The following CSMD1 variants were observed in gnomAD, a reference collection of about 807,000 sequenced individuals.
The protein encoded by CSMD1 is CUB and Sushi multiple domains 1, also known as CUB and sushi domain-containing protein 1.
In CSMD1, 213 loss-of-function variants were observed where a neutral mutation model predicts 417.5. The ratio of observed to expected loss-of-function variants is 0.51; its 90% CI spans 0.46 to 0.57. The LOEUF is 0.57. CSMD1 is among the 20% of genes least tolerant of loss of function. The pLI is 0.00. For missense variants in CSMD1, 6,923 were observed against 4,529.7 expected (o/e 1.53, Z -15.17); for synonymous variants, 2,862 against 1,736.8 (o/e 1.65, Z -16.11).
rs1585213404 is a variant in CSMD1, at chr8:4,532,880, G to T, written c.302+104462C>A. Among the ~76,000 whole-genome samples, 3 of 151,298 alleles carry T rather than the reference G, an allele frequency of 2.0e-5. No individual in the cohort carries two copies. In the South Asian group the frequency reaches 6.3e-4, roughly 32 times the overall value. On this transcript the variant is annotated intron_variant, in intron 2 of 69. Transcript: ENST00000635120. ...ACCCCCATTCAGTCACTCCGGAAGA[G>T]AAATCCTGCACCCCCATTCAGAGTC...
chr8:4,535,487 G>C (rs921348678), intron 2 of CSMD1, among the ~76,000 whole-genome samples: 4 of 152,030 alleles, frequency 2.6e-5, no homozygotes, highest in Non-Finnish European at 5.9e-5. Context: ...AAGTATATGT[G>C]TTTCAATCCA....
rs776392388 is a variant in CSMD1, at chr8:3,972,539, G to C, written c.818+25364C>G. 2.6e-5 allele frequency among the ~76,000 whole-genome samples: 4 copies of C among 152,236 alleles called. No individual in the cohort carries two copies. The Middle Eastern group carries it at 0.01, about 388-fold the overall frequency. ...GGAATATGGTTCTCTGAATAAGCAC[G>C]TGTGACCACATATTGCTCACAGGGC... On this transcript the variant is annotated intron_variant, in intron 5 of 69. Coordinates refer to ENST00000635120, the MANE Select transcript of CSMD1 (RefSeq NM_033225.6).
chr8:4,863,053 G>A (rs986545988), intron 1 of CSMD1, among the ~76,000 whole-genome samples: 2 of 152,060 alleles, frequency 1.3e-5, no homozygotes, highest in Non-Finnish European at 2.9e-5. Flanking sequence ...ACAATGTGAG[G>A]TCCCTGGTGA....
At chr8:3,354,788 A>G (rs747908136) in intron 21 of CSMD1, among the ~76,000 whole-genome samples, 1 of 112,040 alleles carries the variant, frequency 8.9e-6, no homozygotes, top group African/African-American at 3.9e-5. Flanking sequence ...TGATATATAT[A>G]TATCACTAAA....
rs1797636188 is a variant in CSMD1, at chr8:3,756,026, C to G, written c.819-1984G>C. 2.6e-5 allele frequency among the ~76,000 whole-genome samples: 4 copies of G among 152,126 alleles called. No individual in the cohort carries two copies. The South Asian group carries it at 8.3e-4, about 32-fold the overall frequency. ...TAGATTCAAAAACCCCCAGTCTGTGCCACTCACCTGTACTTACTGAACTTA... is the reference window on the plus strand; with the variant it reads ...TAGATTCAAAAACCCCCAGTCTGTGGCACTCACCTGTACTTACTGAACTTA... On this transcript the variant is annotated intron_variant, in intron 5 of 69. Transcript: ENST00000635120.
chr8:4,003,061 G>A (rs576496041), intron 4 of CSMD1, among the ~76,000 whole-genome samples: 2 of 152,212 alleles, frequency 1.3e-5, no homozygotes, highest in South Asian at 2.1e-4. Flanking sequence ...CAACACAGCA[G>A]GGGGATATTA....
chr8:4,375,585 T>C lies in CSMD1; in HGVS notation c.415+44368A>G, dbSNP rs112010469. 6.9e-4 allele frequency among the ~76,000 whole-genome samples: 105 copies of C among 152,242 alleles called. 1 individual carries two copies. The highest frequency in any genetic ancestry group is 2.3e-3 in the African/African-American group (96 of 41,544). ...CATTAGCATTTCAACTGAAGACTCC[T>C]ACTGAGGAAGAAGGCTCACTGGCTA... On this transcript the variant is annotated intron_variant, in intron 3 of 69. Transcript: ENST00000635120.
chr8:4,868,556 A>G (rs909652900), intron 1 of CSMD1, among the ~76,000 whole-genome samples: 1 of 151,996 alleles, frequency 6.6e-6, no homozygotes, highest in Non-Finnish European at 1.5e-5. Flanking sequence ...CATTATTGTT[A>G]CCGTTATTAT....
intron 10 of CSMD1, among the ~76,000 whole-genome samples, chr8:3,530,717 G>C (rs1329351933): frequency 6.6e-6 from 1 of 152,052 alleles, no homozygotes; most frequent in African/African-American, 2.4e-5. Flanking sequence ...TTTTAGTAGA[G>C]ACAGTTTCAC....
intron 7 of CSMD1, among the ~76,000 whole-genome samples, chr8:3,683,505 C>G (rs571229931): frequency 6.6e-6 from 1 of 152,264 alleles, no homozygotes; most frequent in East Asian, 1.9e-4. Context: ...GCCCTCCTCT[C>G]ACTTGGAGGG....
chr8:4,239,458 T>C (rs1331491218), intron 3 of CSMD1, among the ~76,000 whole-genome samples: 1 of 152,300 alleles, frequency 6.6e-6, no homozygotes, highest in Admixed American at 6.5e-5. Flanking sequence ...GAGCCATCAG[T>C]GCAAGGAGAG....
chr8:4,576,673 A>G (rs1460397179), intron 2 of CSMD1, among the ~76,000 whole-genome samples: 1 of 152,178 alleles, frequency 6.6e-6, no homozygotes, highest in Non-Finnish European at 1.5e-5. Context: ...ATGTAAAATA[A>G]TAGCCTTCAG....
chr8:3,588,402 A>G (rs1800697099), intron 8 of CSMD1, among the ~76,000 whole-genome samples: 1 of 152,170 alleles, frequency 6.6e-6, no homozygotes, highest in African/African-American at 2.4e-5. Context: ...TTGGAATTTC[A>G]GTGTGGCCAC....
intron 3 of CSMD1, among the ~76,000 whole-genome samples, chr8:4,060,551 G>T (rs528756954): frequency 6.6e-6 from 1 of 152,116 alleles, no homozygotes; most frequent in South Asian, 2.1e-4. Flanking sequence ...CCTCTGCAAT[G>T]GTTAACAGTG....
intron 23 of CSMD1, among the ~76,000 whole-genome samples, chr8:3,317,691 G>A (rs1188606503): frequency 1.2e-4 from 19 of 152,024 alleles, no homozygotes. Flanking sequence ...ACGTTTATTT[G>A]GTATCATTAC....
chr8:3,842,710 C>G (rs975157294), intron 5 of CSMD1, among the ~76,000 whole-genome samples: 4 of 151,492 alleles, frequency 2.6e-5, no homozygotes, highest in African/African-American at 7.3e-5. Context: ...AATGAGAAAC[C>G]TGCAAAAAAT....
At chr8:3,486,731 C>G (rs1818056628) in intron 11 of CSMD1, among the ~76,000 whole-genome samples, 1 of 152,212 alleles carries the variant, frequency 6.6e-6, no homozygotes, top group Admixed American at 6.5e-5. Context: ...GAAGGTTGCC[C>G]TCAAGACACA....
intron 50 of CSMD1, among the ~76,000 whole-genome samples, chr8:3,051,095 G>A (rs898470350): frequency 1.3e-5 from 2 of 152,134 alleles, no homozygotes; most frequent in Admixed American, 1.3e-4. Flanking sequence ...TCCCATTACT[G>A]GGTATATACC....
intron 1 of CSMD1, among the ~76,000 whole-genome samples, chr8:4,691,826 G>C (rs148322666): frequency 1.3e-3 from 196 of 152,302 alleles, no homozygotes; most frequent in Non-Finnish European, 2.4e-3. Context: ...AGATAAAGTC[G>C]AAGAGGTTTT....
Sources: gnomAD v4.1 joint callset for allele counts (sites outside exome capture counted in the v4.1 genomes callset) on GRCh38, gnomAD v4.1.1 for gene constraint, MANE v1.5 for transcripts, NCBI Gene and HGNC (gene_info 2026-07-23, HGNC 2026-07-21) for gene names.